PTPRJ: variants seen among roughly 807,000 people sequenced by gnomAD.
The protein encoded by PTPRJ is protein tyrosine phosphatase receptor type J.
In PTPRJ, 129 loss-of-function variants were observed where a neutral mutation model predicts 141.3. The observed-to-expected ratio is 0.91, with a 90% CI of 0.79 to 1.06. The LOEUF (loss-of-function observed/expected upper bound fraction) is 1.06, where lower values mean the gene tolerates loss of function less well. PTPRJ is among the 50% of genes least tolerant of loss of function. The probability of loss-of-function intolerance (pLI) is 0.00; values close to 1 mark genes in which losing one functional copy is unlikely to be tolerated. For missense variants in PTPRJ, 1,601 were observed against 1,679.7 expected, an observed-to-expected ratio of 0.95 and a Z score of 0.82; for synonymous variants, 610 against 640.5, an observed-to-expected ratio of 0.95 and a Z score of 0.72.
chr11:48,123,436 A>C (rs765383729), intron 4 of PTPRJ, among the ~76,000 whole-genome samples, 177 bp from the exon 5 acceptor site: 4 of 152,160 alleles, frequency 2.6e-5, no homozygotes, highest in Non-Finnish European at 4.4e-5. Flanking sequence ...ATGGAAATGC[A>C]TTGGGCTCTG....
intron 7 of PTPRJ, 145 bp downstream of exon 7, chr11:48,128,188 A>G: frequency 4.6e-6 from 5 of 1,083,976 alleles, no homozygotes; most frequent in Non-Finnish European, 1.3e-6. Context: ...GCACTGGCAC[A>G]TTGTATGCTC....
chr11:48,120,896 C>G (rs920101538), intron 3 of PTPRJ, 107 bp from the exon 4 acceptor site: 1 of 1,057,690 alleles, frequency 9.5e-7, no homozygotes, highest in African/African-American at 1.6e-5. Flanking sequence ...AGAGATAAAA[C>G]TCTGTGATTG....
chr11:48,004,218 T>C (rs1384479906), intron 1 of PTPRJ, among the ~76,000 whole-genome samples: 3 of 152,244 alleles, frequency 2.0e-5, no homozygotes, highest in Non-Finnish European at 2.9e-5. Flanking sequence ...CAGTGTGTGC[T>C]AGCACCTTGG....
At position 48,071,900 on chromosome 11, in the gene PTPRJ, C is replaced by T. The variant is rs1168536327; in HGVS notation, c.97-38158C>T. 9.8e-5 allele frequency among the ~76,000 whole-genome samples: 12 copies of T among 122,754 alleles called. No individual in the cohort carries two copies. The Admixed American group carries it at 1.2e-3, about 12-fold the overall frequency. 80.5% of individuals were successfully genotyped at this position (122,754 alleles called of 152,430 possible). On this transcript the variant is annotated intron_variant, in intron 1 of 24. Coordinates refer to ENST00000418331, the MANE Select transcript of PTPRJ (RefSeq NM_002843.4). ...TACAGGTGTGAGCTACCACGCCTGGCCATTTTTTTTTTTTTTTTTTTTTGA... is the reference window on the plus strand; with the variant it reads ...TACAGGTGTGAGCTACCACGCCTGGTCATTTTTTTTTTTTTTTTTTTTTGA...
At chr11:48,067,296 C>T (rs1317336527) in intron 1 of PTPRJ, among the ~76,000 whole-genome samples, 2 of 152,152 alleles carry the variant, frequency 1.3e-5, no homozygotes, top group Admixed American at 6.5e-5. Context: ...CACCATTCTG[C>T]GGACAATGGG....
At chr11:48,072,518 T>C (rs1457089321) in intron 1 of PTPRJ, among the ~76,000 whole-genome samples, 1 of 152,190 alleles carries the variant, frequency 6.6e-6, no homozygotes, top group Non-Finnish European at 1.5e-5. Flanking sequence ...TGGCAAGAAG[T>C]ATCAAACTAC....
At chr11:48,006,557 A>G (rs1273000529) in intron 1 of PTPRJ, among the ~76,000 whole-genome samples, 1 of 150,490 alleles carries the variant, frequency 6.6e-6, no homozygotes, top group East Asian at 1.9e-4. Flanking sequence ...ACATATTTGG[A>G]CCTGAGCCTT....
At chr11:48,005,025 C>A (rs1854586592) in intron 1 of PTPRJ, among the ~76,000 whole-genome samples, 1 of 151,988 alleles carries the variant, frequency 6.6e-6, no homozygotes, top group African/African-American at 2.4e-5. Context: ...AGTTCAAGAT[C>A]AGCATGGCCA....
chr11:48,164,786 G>A (rs955851303), intron 24 of PTPRJ, among the ~76,000 whole-genome samples: 3 of 151,348 alleles, frequency 2.0e-5, no homozygotes, highest in African/African-American at 4.9e-5. Context: ...GGCTGGTCTC[G>A]AACTCCTGAC....
chr11:48,159,125 GTGTGTGTGTGTGTGTGTGTGT>G (rs1857696511), intron 21 of PTPRJ, among the ~76,000 whole-genome samples: 1 of 136,646 alleles, frequency 7.3e-6, no homozygotes, highest in Admixed American at 7.3e-5. Context: ...TATGTGGGGT[GTGTGTGTGTGTGTGTGTGTGT>G]GTGTGTGTGT....
At chr11:48,083,145 G>T (rs1565293851) in intron 1 of PTPRJ, among the ~76,000 whole-genome samples, 1 of 152,208 alleles carries the variant, frequency 6.6e-6, no homozygotes, top group South Asian at 2.1e-4. Flanking sequence ...TTTTTCTAAG[G>T]CTGGGTGCGG....
chr11:48,099,323 A>G (rs1856094807), intron 1 of PTPRJ, among the ~76,000 whole-genome samples: 1 of 152,226 alleles, frequency 6.6e-6, no homozygotes, highest in Non-Finnish European at 1.5e-5. Context: ...AACAAAATCT[A>G]CAAAGAATAA....
chr11:48,096,435 CT>C (rs892352989), intron 1 of PTPRJ, among the ~76,000 whole-genome samples: 4 of 152,160 alleles, frequency 2.6e-5, no homozygotes, highest in African/African-American at 9.7e-5. Flanking sequence ...CTGGAAGAAG[CT>C]ATCAGAAGTT....
intron 1 of PTPRJ, among the ~76,000 whole-genome samples, chr11:48,105,170 C>T (rs1289272099): frequency 6.6e-6 from 1 of 152,090 alleles, no homozygotes; most frequent in African/African-American, 2.4e-5. Context: ...TGAAGCACCC[C>T]CAAGCCTCTC....
chr11:48,130,492 T>C lies in PTPRJ; in HGVS notation c.1391T>C (p.Val464Ala). Reference protein sequence around the residue: ...PVPVSDFRVTVVSTTEIGLAW... With the variant: ...PVPVSDFRVTAVSTTEIGLAW... ...CCAGTTTCTGACTTCCGAGTGACAG[T>C]GGTCAGCACGACGGAGATCGGCTTA... is the stretch of plus-strand genomic sequence containing the variant. The change falls in exon 8 of 25, where the codon GTG becomes GCG. Residue 464 changes from valine to alanine, a missense_variant. Physicochemically the swap from Val to Ala is moderately conservative, Grantham distance 64. Transcript: ENST00000418331. The C allele has an allele frequency of 6.2e-7, 1 of 1,612,602 alleles. No individual in the cohort carries two copies. The highest frequency in any genetic ancestry group is 8.5e-7 in the Non-Finnish European group (1 of 1,179,136).
chr11:48,047,128 C>T (rs1388804365), intron 1 of PTPRJ, among the ~76,000 whole-genome samples: 6 of 151,480 alleles, frequency 4.0e-5, no homozygotes, highest in Non-Finnish European at 8.8e-5. Context: ...GTTGGCCAGG[C>T]TGGTCTTGAA....
intron 15 of PTPRJ, among the ~76,000 whole-genome samples, chr11:48,148,894 G>A (rs148504714): frequency 2.6e-5 from 4 of 152,198 alleles, no homozygotes; most frequent in African/African-American, 4.8e-5. Flanking sequence ...TATTTCCTTA[G>A]GCTAAATTCC....
chr11:48,136,985 C>CTT lies in PTPRJ; in HGVS notation c.1874-11_1874-10dup. 2 of 1,565,094 alleles carry CTT rather than the reference C, an allele frequency of 1.3e-6. No individual in the cohort carries two copies. The highest frequency in any genetic ancestry group is 1.8e-6 in the Non-Finnish European group (2 of 1,140,672). On this transcript the variant is annotated splice_polypyrimidine_tract_variant and intron_variant, in intron 9 of 24. Coordinates refer to ENST00000418331, the MANE Select transcript of PTPRJ (RefSeq NM_002843.4). ...TAATCTGTGCTTTTACATGAATTGC[C>CTT]TTTTTTTTAAAATCAAGGGCCCAGC...
At chr11:48,144,624 A>G (rs1170029772) in intron 12 of PTPRJ, 51 bp from the exon 13 acceptor site, 4 of 1,433,032 alleles carry the variant, frequency 2.8e-6, no homozygotes, top group Non-Finnish European at 3.9e-6. Flanking sequence ...AGGAGAAGAA[A>G]TCTCTCTGCC....
Sources: gnomAD v4.1 joint callset for allele counts (sites outside exome capture counted in the v4.1 genomes callset) on GRCh38, gnomAD v4.1.1 for gene constraint, MANE v1.5 for transcripts, NCBI Gene and HGNC (gene_info 2026-07-23, HGNC 2026-07-21) for gene names.